KLKB1: variants seen among roughly 807,000 people sequenced by gnomAD.
KLKB1 encodes the protein kallikrein B1, also known as plasma kallikrein.
A neutral mutation model predicts 73.6 loss-of-function variants in KLKB1; 58 were observed. The observed-to-expected ratio is 0.79, with a 90% CI of 0.64 to 0.98. The LOEUF (loss-of-function observed/expected upper bound fraction) is 0.98. KLKB1 is among the 50% of genes least tolerant of loss of function. The pLI, the probability that KLKB1 is intolerant of heterozygous loss-of-function variation, is 0.00. For synonymous variants in KLKB1, 280 were observed against 258.1 expected, an observed-to-expected ratio of 1.08 and a Z score of -0.81; for missense variants, 737 against 763.8, an observed-to-expected ratio of 0.96 and a Z score of 0.41.
intron 6 of KLKB1, among the ~76,000 whole-genome samples, chr4:186,247,308 A>G (rs1004588783): frequency 2.6e-5 from 4 of 152,116 alleles, no homozygotes; most frequent in African/African-American, 4.8e-5. Flanking sequence ...GGCTGAGTCC[A>G]AAAAGAGAGT....
chr4:186,218,039 G>A (rs1736945265), intron 2 of KLKB1, among the ~76,000 whole-genome samples: 1 of 152,186 alleles, frequency 6.6e-6, no homozygotes, highest in Admixed American at 6.5e-5. Flanking sequence ...CCATTGTAAG[G>A]TGAAAGCAGG....
intron 14 of KLKB1, 65 bp from the exon 15 acceptor site, chr4:186,257,956 G>A: frequency 7.1e-7 from 1 of 1,405,174 alleles, no homozygotes. Context: ...AACTTTAGAG[G>A]CAGTCACTTA....
At chr4:186,211,955 A>G (rs1174099009) in intron 2 of KLKB1, 1 of 152,154 alleles carries the variant, frequency 6.6e-6, no homozygotes, top group African/African-American at 2.4e-5. Context: ...GAAGAGATTC[A>G]TCTTCATAAT....
In KLKB1 at chr4:186,257,372, C is replaced by T. The variant is rs1215694709; in HGVS notation, c.1725+7C>T. 1.9e-6 allele frequency: 3 copies of T among 1,571,866 alleles called. No homozygotes were observed. The highest frequency in any genetic ancestry group is 2.6e-6 in the Non-Finnish European group (3 of 1,158,208). On this transcript the variant is annotated splice_region_variant and intron_variant, in intron 14 of 14. Coordinates refer to ENST00000264690, the MANE Select transcript of KLKB1 (RefSeq NM_000892.5). ...GGGAAAAGATGCTTGTAAGGTAACT[C>T]ATGAGATTATGAAAAACACAATAGG...
At chr4:186,214,507 T>G (rs1164552158) in intron 2 of KLKB1, among the ~76,000 whole-genome samples, 1 of 152,210 alleles carries the variant, frequency 6.6e-6, no homozygotes, top group Non-Finnish European at 1.5e-5. Flanking sequence ...TCAGCATATA[T>G]GCCCACCAGT....
At position 186,251,278 on chromosome 4, in the gene KLKB1, A is replaced by T; in HGVS notation, c.818A>T (p.Glu273Val). ...SGTPSSSTPQENTISGYSLLT... is the reference protein window; with the variant it reads ...SGTPSSSTPQVNTISGYSLLT... ...ACACCAAGTTCCTCTACTCCTCAAG[A>T]AAACACCATATCTGGATATAGCCTT... The change falls in exon 8 of 15, where the codon GAA (glutamate) becomes GTA (valine). Residue 273 changes from glutamate (E) to valine (V), a missense_variant. Glu to Val is a moderately radical substitution (Grantham distance 121, BLOSUM62 -2). Transcript: ENST00000264690. 6.2e-7 allele frequency: 1 copy of T among 1,612,510 alleles called. No individual in the cohort carries two copies. The highest frequency in any genetic ancestry group is 2.2e-5 in the East Asian group (1 of 44,840).
intron 6 of KLKB1, among the ~76,000 whole-genome samples, chr4:186,244,365 A>C (rs1208244019): frequency 6.6e-6 from 1 of 152,212 alleles, no homozygotes; most frequent in Admixed American, 6.5e-5. Context: ...GAGATGAGCC[A>C]GACACAATCA....
intron 3 of KLKB1, 37 bp downstream of exon 3, chr4:186,232,326 T>G (rs747068124): frequency 5.7e-6 from 9 of 1,590,042 alleles, no homozygotes; most frequent in Non-Finnish European, 7.8e-6. Context: ...GAAGCTGTTT[T>G]TCAAAACTGA....
intron 6 of KLKB1, among the ~76,000 whole-genome samples, chr4:186,247,387 G>A (rs1313093206): frequency 6.6e-6 from 1 of 152,120 alleles, no homozygotes; most frequent in Non-Finnish European, 1.5e-5. Context: ...TACAGTCAAA[G>A]GGGGTTGTTC....
chr4:186,241,262 C>T (rs948503794), intron 6 of KLKB1, among the ~76,000 whole-genome samples: 1 of 152,078 alleles, frequency 6.6e-6, no homozygotes, highest in Non-Finnish European at 1.5e-5. Flanking sequence ...CAGATTTGTC[C>T]TTGGTTTCAC....
At chr4:186,222,301 A>G (rs1472845754), upstream of KLKB1, among the ~76,000 whole-genome samples, 1 of 152,104 alleles carries the variant, frequency 6.6e-6, no homozygotes, top group African/African-American at 2.4e-5. Flanking sequence ...TCATGTTGTT[A>G]ATTGTTTTCT....
rs1436695392 is a variant in KLKB1 at position 186,239,295 on chromosome 4, TGTTATA to T, written c.598+938_598+943del. Reference sequence around the variant, plus strand: ...TTATAGAAAACTAGTACAGTGATACTGTTATAGTTATAGGACAGTGATATAGGACAG... The same window carrying T: ...TTATAGAAAACTAGTACAGTGATACTGTTATAGGACAGTGATATAGGACAG... On this transcript the variant is annotated intron_variant, in intron 6 of 14. Coordinates refer to ENST00000264690, the MANE Select transcript of KLKB1 (RefSeq NM_000892.5). Among the ~76,000 whole-genome samples the T allele has an allele frequency of 6.7e-5, 10 of 149,296 alleles. No homozygotes were observed. In the East Asian group the frequency reaches 1.7e-3, roughly 25 times the overall value.
At chr4:186,256,370 G>A (rs1196554609) in intron 13 of KLKB1, among the ~76,000 whole-genome samples, 4 of 152,166 alleles carry the variant, frequency 2.6e-5, no homozygotes, top group Non-Finnish European at 5.9e-5. Flanking sequence ...TGACAAGCCC[G>A]TGCAAGACCA....
chr4:186,215,262 A>AAG (rs923108228), intron 2 of KLKB1, among the ~76,000 whole-genome samples: 1 of 148,896 alleles, frequency 6.7e-6, no homozygotes, highest in African/African-American at 2.5e-5. Flanking sequence ...AAAAAAAAAT[A>AAG]TGTAGGCACA....
At position 186,252,159 on chromosome 4, in the gene KLKB1, C is replaced by T. The variant is rs1561465245; in HGVS notation, c.1287C>T (p.Val429=). 3 of 1,613,872 alleles carry T rather than the reference C, an allele frequency of 1.9e-6. No individual in the cohort carries two copies. The highest frequency in any genetic ancestry group is 2.5e-6 in the Non-Finnish European group (3 of 1,180,030). ...CGGSLIGHQW[V]LTAAHCFDGL... ...GGTCACTCATAGGACACCAGTGGGT[C>T]CTCACTGCTGCCCACTGCTTTGATG... is the stretch of plus-strand genomic sequence containing the variant. Residue 429 remains valine (V), a synonymous_variant, in exon 11 of 15, where the codon GTC becomes GTT. Transcript: ENST00000264690.
chr4:186,251,333 TGTG>T lies in KLKB1; in HGVS notation c.868+6_868+8del. 6.4e-7 allele frequency: 1 copy of T among 1,568,566 alleles called. No individual in the cohort carries two copies. The highest frequency in any genetic ancestry group is 8.8e-7 in the Non-Finnish European group (1 of 1,138,606). Reference sequence around the variant, plus strand: ...CCTGCAAAAGAACTTTACCTGGTAATGTGATTTGATAATAATATTACATAAAAT... The same window carrying T: ...CCTGCAAAAGAACTTTACCTGGTAATATTTGATAATAATATTACATAAAAT... On this transcript the variant is annotated splice_donor_region_variant and intron_variant, in intron 8 of 14. Coordinates refer to ENST00000264690, the MANE Select transcript of KLKB1 (RefSeq NM_000892.5).
chr4:186,213,240 G>C (rs1363696327), intron 2 of KLKB1: 1 of 152,220 alleles, frequency 6.6e-6, no homozygotes, highest in African/African-American at 2.4e-5. Flanking sequence ...ATTGAAATGT[G>C]GATGCTGCCT....
intron 5 of KLKB1, among the ~76,000 whole-genome samples, chr4:186,237,290 G>A (rs1240783599): frequency 1.3e-5 from 2 of 151,982 alleles, no homozygotes; most frequent in African/African-American, 4.8e-5. Context: ...GTAGAGTCGG[G>A]GTTTTACTAT....
chr4:186,240,819 T>C (rs115486023), intron 6 of KLKB1, among the ~76,000 whole-genome samples: 1 of 152,158 alleles, frequency 6.6e-6, no homozygotes, highest in Non-Finnish European at 1.5e-5. Context: ...GGGAGAGTTT[T>C]TGAAGGCTGC....
Sources: allele counts gnomAD v4.1 joint callset (sites outside exome capture counted in the v4.1 genomes callset), GRCh38; gene constraint gnomAD v4.1.1; transcripts MANE v1.5; gene names NCBI Gene and HGNC (gene_info 2026-07-23, HGNC 2026-07-21).